The following MAP2K4 variants were observed in gnomAD, a reference collection of about 807,000 sequenced individuals.
MAP2K4 encodes mitogen-activated protein kinase kinase 4, also known as dual specificity mitogen-activated protein kinase kinase 4.
In MAP2K4, 4 loss-of-function variants were observed where a neutral mutation model predicts 48.5. The ratio of observed to expected loss-of-function variants is 0.08; its 90% CI spans 0.04 to 0.19. The LOEUF (loss-of-function observed/expected upper bound fraction) is 0.19. Ranked by LOEUF, MAP2K4 falls within the 10% of genes least tolerant of loss-of-function variation. The pLI, the probability that MAP2K4 is intolerant of heterozygous loss-of-function variation, is 1.00. For missense variants in MAP2K4, 258 were observed against 493.3 expected (o/e 0.52, Z 4.52); for synonymous variants, 166 against 173.1 (o/e 0.96, Z 0.32).
chr17:12,070,463 T>A (rs1970766509), intron 2 of MAP2K4, among the ~76,000 whole-genome samples: 2 of 152,088 alleles, frequency 1.3e-5, no homozygotes, highest in Admixed American at 6.5e-5. Context: ...TCAAGAAAAA[T>A]TCTGAAATGT....
chr17:12,098,204 G>A (rs971189700), intron 4 of MAP2K4, among the ~76,000 whole-genome samples: 6 of 152,218 alleles, frequency 3.9e-5, no homozygotes, highest in African/African-American at 1.4e-4. Context: ...AAATGGCCGG[G>A]CACGGTGGCT....
At chr17:12,041,671 A>G (rs1057365617) in intron 1 of MAP2K4, among the ~76,000 whole-genome samples, 1 of 152,338 alleles carries the variant, frequency 6.6e-6, no homozygotes, top group Admixed American at 6.5e-5. Flanking sequence ...AAAAGAAACA[A>G]CAAATTGGAC....
At chr17:12,089,209 G>GC (rs1971483945) in intron 3 of MAP2K4, among the ~76,000 whole-genome samples, 1 of 152,082 alleles carries the variant, frequency 6.6e-6, no homozygotes, top group South Asian at 2.1e-4. Flanking sequence ...ACCCTGCCTG[G>GC]CTCAGAATAC....
intron 8 of MAP2K4, among the ~76,000 whole-genome samples, chr17:12,128,418 A>G (rs957174025): frequency 3.9e-5 from 6 of 152,102 alleles, no homozygotes; most frequent in African/African-American, 1.2e-4. Context: ...AGAAAGGGAG[A>G]TAGATGAGAA....
At chr17:12,031,518 T>G (rs2151509862) in intron 1 of MAP2K4, among the ~76,000 whole-genome samples, 1 of 152,332 alleles carries the variant, frequency 6.6e-6, no homozygotes, top group South Asian at 2.1e-4. Flanking sequence ...TTGTGAAGGC[T>G]TTTGTTTTAA....
intron 4 of MAP2K4, 40 bp downstream of exon 4, chr17:12,095,734 AATTGGG>A: frequency 6.3e-7 from 1 of 1,597,902 alleles, no homozygotes; most frequent in Non-Finnish European, 8.5e-7. Context: ...ATGAATATCT[AATTGGG>A]ACAAATGAAG....
At chr17:12,030,620 A>G (rs1969405866) in intron 1 of MAP2K4, among the ~76,000 whole-genome samples, 1 of 152,146 alleles carries the variant, frequency 6.6e-6, no homozygotes, top group African/African-American at 2.4e-5. Context: ...AAAATTTTTA[A>G]TATATTATAC....
Position 12,031,271 on chromosome 17 carries a change from T to G in MAP2K4, c.115+10270T>G, listed in dbSNP as rs1156823894. On this transcript the variant is annotated intron_variant, in intron 1 of 10. Coordinates refer to ENST00000353533, the MANE Select transcript of MAP2K4 (RefSeq NM_003010.4). Reference sequence around the variant, plus strand: ...ATTAGCATTTTTCAGTTTTTGTACTTTATAGATGGCATCTTCTTAGAATCC... The same window carrying G: ...ATTAGCATTTTTCAGTTTTTGTACTGTATAGATGGCATCTTCTTAGAATCC... Among the ~76,000 whole-genome samples the G allele has an allele frequency of 2.0e-5, 3 of 152,208 alleles. No individual in the cohort carries two copies. In the East Asian group the frequency reaches 5.8e-4, roughly 29 times the overall value.
At chr17:12,095,927 G>GTGTA (rs919908493) in intron 4 of MAP2K4, among the ~76,000 whole-genome samples, 10 of 143,840 alleles carry the variant, frequency 7.0e-5, no homozygotes, top group African/African-American at 2.6e-4. Flanking sequence ...GTGTGTGTGT[G>GTGTA]TATTTTAGTA....
At chr17:12,029,207 A>G (rs916977800) in intron 1 of MAP2K4, among the ~76,000 whole-genome samples, 1 of 151,982 alleles carries the variant, frequency 6.6e-6, no homozygotes, top group Admixed American at 6.6e-5. Flanking sequence ...GAACGAGGGT[A>G]GGAGATACGT....
intron 7 of MAP2K4, among the ~76,000 whole-genome samples, chr17:12,116,875 A>G (rs1030901321): frequency 1.3e-5 from 2 of 152,142 alleles, no homozygotes; most frequent in East Asian, 3.9e-4. Context: ...ACATAATTGT[A>G]TGTGCTATAC....
Position 12,143,205 on chromosome 17 carries a change from T to C in MAP2K4, c.*1945T>C, listed in dbSNP as rs1973430808. The C allele has an allele frequency of 4.3e-6, 1 of 233,048 alleles. No individual in the cohort carries two copies. Among genetic ancestry groups the C allele is most frequent in the African/African-American group, 2.2e-5 (1 of 45,318 alleles). 14.4% of individuals were successfully genotyped at this position (233,048 alleles called of 1,614,324 possible). A position where few individuals can be genotyped will look rare whatever the true frequency, so the allele number is the denominator to read the frequency against. The stretch of plus-strand genomic sequence containing the variant: ...GGGACTCAAGAGGAATCTGTTTCTC[T>C]GCTGTCAACTTCCCATCTGGCTCAG... On this transcript the variant is annotated 3_prime_UTR_variant, in exon 11 of 11. Coordinates refer to ENST00000353533, the MANE Select transcript of MAP2K4 (RefSeq NM_003010.4).
chr17:12,134,109 A>G lies in MAP2K4; in HGVS notation c.1040+4822A>G, dbSNP rs1004358448. On this transcript the variant is annotated intron_variant, in intron 9 of 10. Coordinates refer to ENST00000353533, the MANE Select transcript of MAP2K4 (RefSeq NM_003010.4). ...AATTAAATCCCTATAGTAGGTGATG[A>G]TGCTGCAGTGATGGCTCTCCACCTA... 6.6e-5 allele frequency among the ~76,000 whole-genome samples: 10 copies of G among 152,364 alleles called. No individual in the cohort carries two copies. The South Asian group carries it at 2.1e-3, about 32-fold the overall frequency.
Position 12,084,613 on chromosome 17 carries a change from G to A in MAP2K4, c.393+3083G>A, listed in dbSNP as rs2151551498. On this transcript the variant is annotated intron_variant, in intron 3 of 10. Coordinates refer to ENST00000353533, the MANE Select transcript of MAP2K4 (RefSeq NM_003010.4). ...TTTGCACGGTGGTGGGGTAACCACT[G>A]AATGAAAACATTAGACATGAACAGT... Among the ~76,000 whole-genome samples, 3 of 152,274 alleles carry A rather than the reference G, an allele frequency of 2.0e-5. 1 individual carries two copies. Among genetic ancestry groups the A allele is most frequent in the Admixed American group, 2.0e-4 (3 of 15,292 alleles).
chr17:12,115,409 A>G (rs1418913081), intron 7 of MAP2K4: 2 of 424,436 alleles, frequency 4.7e-6, no homozygotes, highest in Admixed American at 3.2e-5. Flanking sequence ...CTTCTAGACT[A>G]CAAGCCTATA....
intron 2 of MAP2K4, among the ~76,000 whole-genome samples, chr17:12,077,457 A>G (rs1336297080): frequency 6.6e-6 from 1 of 152,202 alleles, no homozygotes; most frequent in Non-Finnish European, 1.5e-5. Flanking sequence ...CAGATAGTTT[A>G]TTTCACTTTT....
At chr17:12,082,122 G>A (rs548079094) in intron 3 of MAP2K4, 7 of 273,474 alleles carry the variant, frequency 2.6e-5, no homozygotes, top group Middle Eastern at 4.4e-4. Context: ...TTATTGTGTC[G>A]TGCCACTTAA....
At chr17:12,133,574 C>T (rs752090758) in intron 9 of MAP2K4, among the ~76,000 whole-genome samples, 11 of 152,198 alleles carry the variant, frequency 7.2e-5, no homozygotes, top group Non-Finnish European at 1.5e-4. Flanking sequence ...AACTGTTTCC[C>T]AATTTAACTA....
At chr17:12,124,409 G>T (rs1435043429) in intron 7 of MAP2K4, 2 of 152,142 alleles carry the variant, frequency 1.3e-5, no homozygotes, top group Non-Finnish European at 2.9e-5. Context: ...ATATATTACT[G>T]TCTTGGCAGT....
Sources: allele counts gnomAD v4.1 joint callset (sites outside exome capture counted in the v4.1 genomes callset), GRCh38; gene constraint gnomAD v4.1.1; transcripts MANE v1.5; gene names NCBI Gene and HGNC (gene_info 2026-07-23, HGNC 2026-07-21).